SUFU: variants seen among roughly 807,000 people sequenced by gnomAD.
SUFU encodes SUFU negative regulator of hedgehog signaling.
A neutral mutation model predicts 58.9 loss-of-function variants in SUFU; 7 were observed. The observed-to-expected ratio is 0.12, with a 90% CI of 0.07 to 0.22. The LOEUF is 0.22. SUFU is among the 10% of genes least tolerant of loss of function. SUFU has a pLI of 1.00. For synonymous variants in SUFU, 232 were observed against 254.8 expected, an observed-to-expected ratio of 0.91 and a Z score of 0.85; for missense variants, 451 against 641.3, an observed-to-expected ratio of 0.70 and a Z score of 3.20.
At chr10:102,516,912 T>C (rs2062477681) in intron 2 of SUFU, among the ~76,000 whole-genome samples, 1 of 148,990 alleles carries the variant, frequency 6.7e-6, no homozygotes, top group African/African-American at 2.5e-5. Context: ...TCACCTGAGG[T>C]CAGGAGTTCG....
chr10:102,614,283 C>T (rs377099879), intron 8 of SUFU, among the ~76,000 whole-genome samples: 2 of 152,196 alleles, frequency 1.3e-5, no homozygotes, highest in African/African-American at 2.4e-5. Flanking sequence ...GGGCCAGGCA[C>T]GGTGGCTCAT....
chr10:102,555,860 C>A (rs2062970292), intron 3 of SUFU, among the ~76,000 whole-genome samples: 1 of 152,194 alleles, frequency 6.6e-6, no homozygotes, highest in Non-Finnish European at 1.5e-5. Flanking sequence ...ATGTACTGTA[C>A]AGAACGTGTG....
At chr10:102,526,426 G>A (rs2062609094) in intron 2 of SUFU, among the ~76,000 whole-genome samples, 1 of 150,952 alleles carries the variant, frequency 6.6e-6, no homozygotes, top group Non-Finnish European at 1.5e-5. Flanking sequence ...GGTGGTGCGT[G>A]CCTGTAGTCC....
chr10:102,503,214 C>T (rs2062273296), upstream of SUFU, among the ~76,000 whole-genome samples: 1 of 152,150 alleles, frequency 6.6e-6, no homozygotes, highest in African/African-American at 2.4e-5. Flanking sequence ...GGACATATTC[C>T]TACAACAAAG....
chr10:102,531,893 C>T (rs1027672349), intron 2 of SUFU, among the ~76,000 whole-genome samples: 11 of 151,602 alleles, frequency 7.3e-5, no homozygotes, highest in Admixed American at 3.9e-4. Context: ...CATAGCACCT[C>T]GGGCAATCCC....
intron 3 of SUFU, among the ~76,000 whole-genome samples, chr10:102,555,113 A>G (rs2062960543): frequency 6.6e-6 from 1 of 151,978 alleles, no homozygotes; most frequent in Admixed American, 6.6e-5. Context: ...CTAAAAATAA[A>G]AAAAATTAGC....
chr10:102,566,680 G>A (rs572706449), intron 3 of SUFU, among the ~76,000 whole-genome samples: 4 of 150,404 alleles, frequency 2.7e-5, no homozygotes, highest in Non-Finnish European at 5.9e-5. Context: ...CAGGAGAATC[G>A]CCTGAACTTG....
At chr10:102,525,411 G>A (rs1266615238) in intron 2 of SUFU, among the ~76,000 whole-genome samples, 1 of 152,110 alleles carries the variant, frequency 6.6e-6, no homozygotes, top group African/African-American at 2.4e-5. Flanking sequence ...TATCTGGCCT[G>A]AACCTTGCTT....
chr10:102,583,630 A>G (rs796184538), intron 3 of SUFU, among the ~76,000 whole-genome samples: 1 of 152,204 alleles, frequency 6.6e-6, no homozygotes, highest in South Asian at 2.1e-4. Context: ...TCATGGCTCC[A>G]AATCTTTCCA....
intron 3 of SUFU, among the ~76,000 whole-genome samples, chr10:102,578,101 A>G (rs1239074208): frequency 6.9e-6 from 1 of 145,504 alleles, no homozygotes; most frequent in East Asian, 2.1e-4. Context: ...AGGTCAGGAG[A>G]TCGAGACCAT....
intron 2 of SUFU, among the ~76,000 whole-genome samples, chr10:102,545,489 T>C (rs1038400792): frequency 2.0e-5 from 3 of 152,070 alleles, no homozygotes; most frequent in African/African-American, 7.2e-5. Context: ...GATCATATGG[T>C]GACTCTGTTT....
Position 102,521,007 on chromosome 10 carries a change from C to A in SUFU, c.317+11704C>A, listed in dbSNP as rs146592197. Among the ~76,000 whole-genome samples the A allele has an allele frequency of 2.9e-3, 449 of 152,272 alleles. 3 individuals are homozygous for A. Among genetic ancestry groups the A allele is most frequent in the African/African-American group, 0.01 (430 of 41,564 alleles). ...AATCCCTAGGAATGTAATGCTAGAT[C>A]GTATGTTAAGACTATGTTTAGCTTT... On this transcript the variant is annotated intron_variant, in intron 2 of 11. Transcript: ENST00000369902.
intron 3 of SUFU, 50 bp from the exon 4 acceptor site, chr10:102,592,532 G>T: frequency 6.2e-7 from 1 of 1,611,320 alleles, no homozygotes; most frequent in South Asian, 1.1e-5. Context: ...CAGATTCCAG[G>T]CCTGGATCTG....
intron 3 of SUFU, among the ~76,000 whole-genome samples, chr10:102,559,627 C>T (rs571280335): frequency 6.6e-6 from 1 of 152,232 alleles, no homozygotes; most frequent in African/African-American, 2.4e-5. Flanking sequence ...TTCTTACTTC[C>T]CTGTTCCCCT....
At chr10:102,595,324 C>T (rs2063449994) in intron 6 of SUFU, among the ~76,000 whole-genome samples, 1 of 152,224 alleles carries the variant, frequency 6.6e-6, no homozygotes, top group South Asian at 2.1e-4. Context: ...CTCTGTTTTC[C>T]TAGTGCCTTT....
intron 3 of SUFU, among the ~76,000 whole-genome samples, chr10:102,551,426 T>G (rs2062913615): frequency 6.6e-6 from 1 of 151,930 alleles, no homozygotes; most frequent in Non-Finnish European, 1.5e-5. Flanking sequence ...TCACCTGAGG[T>G]CAGGAGTTCG....
At chr10:102,621,299 C>T (rs1214240206) in intron 10 of SUFU, among the ~76,000 whole-genome samples, 1 of 152,172 alleles carries the variant, frequency 6.6e-6, no homozygotes, top group Admixed American at 6.5e-5. Context: ...TCCAGGGGGA[C>T]ACCCATTAAG....
intron 2 of SUFU, among the ~76,000 whole-genome samples, chr10:102,529,577 G>A (rs1444067364): frequency 1.3e-5 from 2 of 152,134 alleles, no homozygotes; most frequent in Non-Finnish European, 1.5e-5. Context: ...TTCGAGACCA[G>A]CCTGGCCAAT....
Position 102,563,934 on chromosome 10 carries a change from C to T in SUFU, c.454+13828C>T, listed in dbSNP as rs144517666. Among the ~76,000 whole-genome samples the T allele has an allele frequency of 5.3e-5, 8 of 152,246 alleles. No individual in the cohort carries two copies. The East Asian group carries it at 1.5e-3, about 29-fold the overall frequency. On this transcript the variant is annotated intron_variant, in intron 3 of 11. Transcript: ENST00000369902. ...ACTTCTCAGCTCTGCCATTCCAGTC[C>T]CTGGGGTCTTGAACTCAGCAGAATC...
Sources: gnomAD v4.1 joint callset for allele counts (sites outside exome capture counted in the v4.1 genomes callset) on GRCh38, gnomAD v4.1.1 for gene constraint, MANE v1.5 for transcripts, NCBI Gene and HGNC (gene_info 2026-07-23, HGNC 2026-07-21) for gene names.